RSPH10B: variants seen among roughly 807,000 people sequenced by gnomAD.
The protein encoded by RSPH10B is radial spoke head 10 homolog B (Chlamydomonas).
Under a neutral mutation model 52.5 loss-of-function variants are expected in RSPH10B, and 7 were observed. The ratio of observed to expected loss-of-function variants is 0.13; its 90% CI spans 0.08 to 0.25. The LOEUF (loss-of-function observed/expected upper bound fraction) is 0.25. Ranked by LOEUF, RSPH10B falls within the 10% of genes least tolerant of loss-of-function variation. The pLI, the probability that RSPH10B is intolerant of heterozygous loss-of-function variation, is 1.00. For synonymous variants in RSPH10B, 28 were observed against 193.2 expected (o/e 0.14, Z 7.09); for missense variants, 89 against 542.5 (o/e 0.16, Z 8.30).
At chr7:5,932,465 TCAGCACAG>T (rs1216334365) in intron 17 of RSPH10B, among the ~76,000 whole-genome samples, 2 of 120,808 alleles carry the variant, frequency 1.7e-5, no homozygotes, top group Admixed American at 1.8e-4. Flanking sequence ...ACAGACTGAG[TCAGCACAG>T]CAAGGTCACG....
intron 13 of RSPH10B, among the ~76,000 whole-genome samples, chr7:5,940,163 C>G (rs1193423198): frequency 9.0e-5 from 9 of 100,006 alleles, no homozygotes; most frequent in Non-Finnish European, 4.7e-5. Context: ...TGCCACCGCA[C>G]TCCAGCCTGG....
At chr7:5,931,356 A>G (rs528244632) in intron 17 of RSPH10B, among the ~76,000 whole-genome samples, 1 of 151,568 alleles carries the variant, frequency 6.6e-6, no homozygotes, top group South Asian at 2.1e-4. Flanking sequence ...GAGGCCTTTG[A>G]GAGGACAAGG....
intron 18 of RSPH10B, among the ~76,000 whole-genome samples, chr7:5,927,070 A>ATATGTGTGTGTGTGTGTG (rs1554284566): frequency 9.0e-4 from 99 of 110,510 alleles, no homozygotes; most frequent in African/African-American, 2.2e-3. Flanking sequence ...GTGTGTGTAT[A>ATATGTGTGTGTGTGTGTG]TGTGTGTGTG....
At chr7:5,943,197 G>T (rs1439604545) in intron 13 of RSPH10B, 127 bp downstream of exon 15, 7 of 1,526,154 alleles carry the variant, frequency 4.6e-6, no homozygotes, top group Non-Finnish European at 5.3e-6. Context: ...AACATTTAAT[G>T]GTCCTGAAAA....
At chr7:5,968,727 C>T (rs1299377388), upstream of RSPH10B, among the ~76,000 whole-genome samples, 3 of 65,216 alleles carry the variant, frequency 4.6e-5, no homozygotes, top group Non-Finnish European at 1.2e-4. Flanking sequence ...CCAGGATGGT[C>T]TCAATCTCCT....
rs1047108298 is a variant in RSPH10B, at chr7:5,943,166, G to C, written c.1758+158C>G. ...GTTCCTTCCACGACCACAGACCACT[G>C]TTCTGCCAAGAGACTCAGTAAACAT... is the stretch of plus-strand genomic sequence containing the variant. On this transcript the variant is annotated intron_variant, in intron 13 of 18. Transcript: ENST00000337579. 6 of 1,462,680 alleles carry C rather than the reference G, an allele frequency of 4.1e-6. No homozygotes were observed. In the African/African-American group the frequency reaches 8.6e-5, roughly 21 times the overall value. 90.6% of individuals were successfully genotyped at this position (1,462,680 alleles called of 1,614,324 possible).
intron 18 of RSPH10B, among the ~76,000 whole-genome samples, chr7:5,927,076 G>GTATATA (rs1383646838): frequency 5.3e-5 from 7 of 131,598 alleles, no homozygotes; most frequent in Admixed American, 1.5e-4. Flanking sequence ...GTATATGTGT[G>GTATATA]TGTGTGTGTG....
intron 13 of RSPH10B, among the ~76,000 whole-genome samples, chr7:5,940,303 T>TGAAACTCTGGCCAACATGGA (rs1780125448): frequency 3.8e-5 from 1 of 26,454 alleles, no homozygotes; most frequent in Non-Finnish European, 9.1e-5. Flanking sequence ...GGCAACATGG[T>TGAAACTCTGGCCAACATGGA]GAAACCCTGG....
intron 9 of RSPH10B, among the ~76,000 whole-genome samples, chr7:5,950,569 C>CAAA (rs71251915): frequency 1.5e-5 from 2 of 133,484 alleles, no homozygotes; most frequent in African/African-American, 2.8e-5. Context: ...GACTCCGTCT[C>CAAA]AAAAAAAAAA....
chr7:5,931,983 T>C (rs1779798371), intron 17 of RSPH10B, among the ~76,000 whole-genome samples: 1 of 150,858 alleles, frequency 6.6e-6, no homozygotes, highest in Non-Finnish European at 1.5e-5. Context: ...AGTAAAACCC[T>C]GTCTCAAAAA....
intron 6 of RSPH10B, 95 bp downstream of exon 8, chr7:5,957,812 A>G: frequency 1.4e-6 from 2 of 1,478,764 alleles, no homozygotes; most frequent in Non-Finnish European, 1.8e-6. Context: ...AACAAAAACA[A>G]AAACAAAAAC....
intron 18 of RSPH10B, among the ~76,000 whole-genome samples, chr7:5,927,048 T>TGTGTGTA (rs1347951159): frequency 0.045 from 3,060 of 68,696 alleles, 44 homozygotes; most frequent in East Asian, 0.2. Flanking sequence ...TGTGTGTGTA[T>TGTGTGTA]TATGTGTGTG....
upstream of RSPH10B, among the ~76,000 whole-genome samples, chr7:5,968,562 G>A (rs1171238403): frequency 7.1e-5 from 5 of 70,172 alleles, no homozygotes; most frequent in Non-Finnish European, 9.4e-5. Flanking sequence ...GCTGGAGTGC[G>A]GTGGTGCGAT....
At chr7:5,950,706 CTCTACACAGCG>C (rs1780575002) in intron 9 of RSPH10B, among the ~76,000 whole-genome samples, 1 of 119,792 alleles carries the variant, frequency 8.3e-6, no homozygotes, top group Non-Finnish European at 1.8e-5. Context: ...CAGCCCTGCC[CTCTACACAGCG>C]TCCTGTTCTC....
intron 18 of RSPH10B, among the ~76,000 whole-genome samples, chr7:5,927,026 T>C (rs1216621717): frequency 2.5e-5 from 1 of 40,682 alleles, no homozygotes; most frequent in African/African-American, 1.1e-4. Context: ...AAGTTACGTG[T>C]GTGTGTGTGT....
chr7:5,927,048 T>TGTGTA (rs1347951159), intron 18 of RSPH10B, among the ~76,000 whole-genome samples: 51 of 70,862 alleles, frequency 7.2e-4, no homozygotes, highest in South Asian at 4.1e-3. Context: ...TGTGTGTGTA[T>TGTGTA]TATGTGTGTG....
At position 5,958,975 on chromosome 7, in the gene RSPH10B, G is replaced by A. The variant is rs377667989; in HGVS notation, c.659+18C>T. ...CCTTCTTCATCTACACCCCAAGCGC[G>A]GCGGTGGTCATACCTACCATCTTAT... On this transcript the variant is annotated intron_variant, in intron 5 of 18. Coordinates refer to ENST00000337579, the Ensembl canonical transcript of RSPH10B. 4.4e-5 allele frequency: 58 copies of A among 1,327,784 alleles called. 13 individuals carry two copies. Among genetic ancestry groups the A allele is most frequent in the African/African-American group, 1.2e-4 (8 of 68,696 alleles). 82.3% of individuals were successfully genotyped at this position (1,327,784 alleles called of 1,614,324 possible). A position where few individuals can be genotyped will look rare whatever the true frequency, so the allele number is the denominator to read the frequency against.
chr7:5,928,180 G>A lies in RSPH10B; in HGVS notation c.2432+16C>T, dbSNP rs1361663413. Reference sequence around the variant, plus strand: ...GAGAGCAGCTGGGGAAGGAGAGGAGGGACCTCGTAAGTTACCTTGCTTCCA... The same window carrying A: ...GAGAGCAGCTGGGGAAGGAGAGGAGAGACCTCGTAAGTTACCTTGCTTCCA... On this transcript the variant is annotated intron_variant, in intron 18 of 18. Transcript: ENST00000337579. The A allele has an allele frequency of 1.2e-6, 2 of 1,609,304 alleles. No individual in the cohort carries two copies. Among genetic ancestry groups the A allele is most frequent in the Admixed American group, 1.7e-5 (1 of 59,826 alleles).
rs370391213 is a variant in RSPH10B, at chr7:5,966,916, G to A, written c.201C>T (p.Asn67=). 1,311 of 1,382,026 alleles carry A rather than the reference G, an allele frequency of 9.5e-4. 112 individuals carry two copies. In the South Asian group the frequency reaches 0.014, roughly 15 times the overall value. 85.6% of individuals were successfully genotyped at this position (1,382,026 alleles called of 1,614,324 possible). A position where few individuals can be genotyped will look rare whatever the true frequency, so the allele number is the denominator to read the frequency against. The change falls in exon 1 of 19, where the codon AAC becomes AAT. Residue 67 remains asparagine, a synonymous_variant. Coordinates refer to ENST00000337579, the Ensembl canonical transcript of RSPH10B. ...ACTCTTCGTATTGGGTGGCATCTTCGTTCTGCTGAACGTTTTGGCGGTCTT... is the reference window on the plus strand; with the variant it reads ...ACTCTTCGTATTGGGTGGCATCTTCATTCTGCTGAACGTTTTGGCGGTCTT...
Sources: allele counts gnomAD v4.1 joint callset (sites outside exome capture counted in the v4.1 genomes callset), GRCh38; gene constraint gnomAD v4.1.1; transcripts MANE v1.5; gene names NCBI Gene and HGNC (gene_info 2026-07-23, HGNC 2026-07-21).